LCE3C: variants seen among roughly 807,000 people sequenced by gnomAD.
The protein encoded by LCE3C is late cornified envelope protein 3C.
For synonymous variants in LCE3C, 29 were observed against 32.4 expected (o/e 0.89, Z 0.36); for missense variants, 53 against 83.3 (o/e 0.64, Z 1.42).
In LCE3C at chr1:152,600,988, G is replaced by A. The variant is rs148755167; in HGVS notation, c.257G>A (p.Arg86His). The A allele has an allele frequency of 2.7e-3, 2,606 of 948,580 alleles. 777 individuals carry two copies. The African/African-American group carries it at 0.04, about 15-fold the overall frequency. 58.8% of individuals were successfully genotyped at this position (948,580 alleles called of 1,614,324 possible). A position where few individuals can be genotyped will look rare whatever the true frequency, so the allele number is the denominator to read the frequency against. Reference sequence around the variant, plus strand: ...GGTCAGCAAGGCGGGGGCTCCTGCCGTGGCCATGGCTCTGGGGGCTGCTGC... The same window carrying A: ...GGTCAGCAAGGCGGGGGCTCCTGCCATGGCCATGGCTCTGGGGGCTGCTGC... ...GSGQQGGGSC[R>H]GHGSGGCC The change falls in exon 2 of 2, where the codon CGT becomes CAT. Residue 86 changes from arginine to histidine, a missense_variant. Transcript: ENST00000684028.
In LCE3C at chr1:152,601,082, G is replaced by C. The variant is rs909978378; in HGVS notation, c.*66G>C. 7 of 784,436 alleles carry C rather than the reference G, an allele frequency of 8.9e-6. 2 individuals carry two copies. The highest frequency in any genetic ancestry group is 1.3e-5 in the Non-Finnish European group (7 of 550,314). 48.6% of individuals were successfully genotyped at this position (784,436 alleles called of 1,614,324 possible). A position where few individuals can be genotyped will look rare whatever the true frequency, so the allele number is the denominator to read the frequency against. Reference sequence around the variant, plus strand: ...CAAGGATCCCAAAGGCCCAGGAAAAGCTCCATCCTGATGCATGCTTTTCCA... The same window carrying C: ...CAAGGATCCCAAAGGCCCAGGAAAACCTCCATCCTGATGCATGCTTTTCCA... On this transcript the variant is annotated 3_prime_UTR_variant, in exon 2 of 2. Coordinates refer to ENST00000684028, the MANE Select transcript of LCE3C (RefSeq NM_178434.3).
rs145667430 is a variant in LCE3C at position 152,600,795 on chromosome 1, C to A, written c.64C>A (p.Pro22Thr). 4.2e-6 allele frequency: 4 copies of A among 949,224 alleles called. 1 individual carries two copies. The African/African-American group carries it at 5.0e-5, about 12-fold the overall frequency. 58.8% of individuals were successfully genotyped at this position (949,224 alleles called of 1,614,324 possible). A position where few individuals can be genotyped will look rare whatever the true frequency, so the allele number is the denominator to read the frequency against. ...TCCCAGTTGTCCCTCACCCAAGTGT[C>A]CCCCAAAGAGCCCAGCACAGTGTCT... is the stretch of plus-strand genomic sequence containing the variant. The part of the protein sequence containing the change: ...PPPSCPSPKC[P>T]PKSPAQCLPP... Residue 22 changes from proline to threonine, a missense_variant, in exon 2 of 2, where the codon CCC becomes ACC. Transcript: ENST00000684028.
rs1259768662 is a variant in LCE3C at position 152,600,276 on chromosome 1, C to T, written c.-34C>T. 2.1e-5 allele frequency among the ~76,000 whole-genome samples: 2 copies of T among 93,308 alleles called. 1 individual carries two copies. Among genetic ancestry groups the T allele is most frequent in the Non-Finnish European group, 5.2e-5 (2 of 38,478 alleles). The allele number at this position is 93,308 out of a possible 152,430, so 61.2% of individuals were successfully genotyped here. ...GAGCAGCCTTCTTCTCCTACCTCCT[C>T]TGCATCTGGTGAGTGGCCAGCAGGG... On this transcript the variant is annotated 5_prime_UTR_variant, in exon 1 of 2. Transcript: ENST00000684028.
chr1:152,600,727 C>A lies in LCE3C; in HGVS notation c.-5C>A. 1 of 947,324 alleles carries A rather than the reference C, an allele frequency of 1.1e-6. No homozygotes were observed. The highest frequency in any genetic ancestry group is 1.5e-6 in the Non-Finnish European group (1 of 673,410). 58.7% of individuals were successfully genotyped at this position (947,324 alleles called of 1,614,324 possible). ...TCAAGGTAAAATTCCTGCATTCCTG[C>A]AAAGATGTCCTGCCAGCAAAACCAG... On this transcript the variant is annotated 5_prime_UTR_variant, in exon 2 of 2. Transcript: ENST00000684028.
At position 152,600,554 on chromosome 1, in the gene LCE3C, T is replaced by C; in HGVS notation, c.-25-153T>C. 2 of 391,450 alleles carry C rather than the reference T, an allele frequency of 5.1e-6. 1 individual carries two copies. The highest frequency in any genetic ancestry group is 8.0e-5 in the East Asian group (2 of 24,880). 24.2% of individuals were successfully genotyped at this position (391,450 alleles called of 1,614,324 possible). ...TTTAAGGTTGCTTTATCCAAATGCA[T>C]GTGTAGGGTTCCCTCTACTACATTC... On this transcript the variant is annotated intron_variant, in intron 1 of 1. Coordinates refer to ENST00000684028, the MANE Select transcript of LCE3C (RefSeq NM_178434.3).
chr1:152,600,975 G>A lies in LCE3C; in HGVS notation c.244G>A (p.Gly82Arg), dbSNP rs1022094910. 12 of 948,996 alleles carry A rather than the reference G, an allele frequency of 1.3e-5. 4 individuals carry two copies. Among genetic ancestry groups the A allele is most frequent in the African/African-American group, 8.3e-5 (5 of 60,074 alleles). The allele number at this position is 948,996 out of a possible 1,614,324, so 58.8% of individuals were successfully genotyped here. ...SCDRGSGQQG[G>R]GSCRGHGSGG... ...TGACAGGGGCAGTGGTCAGCAAGGC[G>A]GGGGCTCCTGCCGTGGCCATGGCTC... The change falls in exon 2 of 2, where the codon GGG becomes AGG. Residue 82 changes from glycine (G) to arginine (R), a missense_variant. Physicochemically the swap from Gly to Arg is moderately radical, Grantham distance 125. Coordinates refer to ENST00000684028, the MANE Select transcript of LCE3C (RefSeq NM_178434.3).
chr1:152,600,562 G>A lies in LCE3C; in HGVS notation c.-25-145G>A, dbSNP rs184898606. 39 of 399,016 alleles carry A rather than the reference G, an allele frequency of 9.8e-5. 14 individuals carry two copies. Among genetic ancestry groups the A allele is most frequent in the Non-Finnish European group, 1.8e-4 (39 of 215,356 alleles). The allele number at this position is 399,016 out of a possible 1,614,324, so 24.7% of individuals were successfully genotyped here. A position where few individuals can be genotyped will look rare whatever the true frequency, so the allele number is the denominator to read the frequency against. On this transcript the variant is annotated intron_variant, in intron 1 of 1. Coordinates refer to ENST00000684028, the MANE Select transcript of LCE3C (RefSeq NM_178434.3). ...TGCTTTATCCAAATGCATGTGTAGG[G>A]TTCCCTCTACTACATTCCCATTTCT...
rs780468942 is a variant in LCE3C at position 152,600,727 on chromosome 1, C to T, written c.-5C>T. The T allele has an allele frequency of 3.7e-5, 35 of 947,222 alleles. 14 individuals carry two copies. In the East Asian group the frequency reaches 1.2e-3, roughly 34 times the overall value. 58.7% of individuals were successfully genotyped at this position (947,222 alleles called of 1,614,324 possible). A position where few individuals can be genotyped will look rare whatever the true frequency, so the allele number is the denominator to read the frequency against. On this transcript the variant is annotated 5_prime_UTR_variant, in exon 2 of 2. Coordinates refer to ENST00000684028, the MANE Select transcript of LCE3C (RefSeq NM_178434.3). Reference sequence around the variant, plus strand: ...TCAAGGTAAAATTCCTGCATTCCTGCAAAGATGTCCTGCCAGCAAAACCAG... The same window carrying T: ...TCAAGGTAAAATTCCTGCATTCCTGTAAAGATGTCCTGCCAGCAAAACCAG...
In LCE3C at chr1:152,600,752, G is replaced by A; in HGVS notation, c.21G>A (p.Gln7=). 1 of 950,904 alleles carries A rather than the reference G, an allele frequency of 1.1e-6. No individual in the cohort carries two copies. The highest frequency in any genetic ancestry group is 1.9e-5 in the South Asian group (1 of 53,608). The allele number at this position is 950,904 out of a possible 1,614,324, so 58.9% of individuals were successfully genotyped here. ...CAAAGATGTCCTGCCAGCAAAACCA[G>A]CAGCAGTGCCAGCCCCCTCCCAGTT... MSCQQN[Q]QQCQPPPSCP... is the part of the protein sequence containing the mutation. Residue 7 remains glutamine, a synonymous_variant, in exon 2 of 2, where the codon CAG becomes CAA. Transcript: ENST00000684028.
chr1:152,600,843 G>T lies in LCE3C; in HGVS notation c.112G>T (p.Ala38Ser), dbSNP rs150965328. The T allele has an allele frequency of 1.3e-3, 1,198 of 950,036 alleles. 475 individuals are homozygous for T. The highest frequency in any genetic ancestry group is 7.1e-5 in the Non-Finnish European group (48 of 676,158). 58.9% of individuals were successfully genotyped at this position (950,036 alleles called of 1,614,324 possible). The part of the protein sequence containing the change: ...QCLPPPSSDC[A>S]LSSGGCGPSS... ...TCTGCCTCCACCCTCTTCTGACTGT[G>T]CTCTAAGCTCCGGGGGCTGTGGCCC... Residue 38 changes from alanine to serine, a missense_variant, in exon 2 of 2, where the codon GCT becomes TCT. Coordinates refer to ENST00000684028, the MANE Select transcript of LCE3C (RefSeq NM_178434.3).
Position 152,601,031 on chromosome 1 carries a change from A to G in LCE3C, c.*15A>G, listed in dbSNP as rs1204652678. The G allele has an allele frequency of 1.9e-5, 18 of 926,328 alleles. 9 individuals carry two copies. In the East Asian group the frequency reaches 5.7e-4, roughly 29 times the overall value. The allele number at this position is 926,328 out of a possible 1,614,324, so 57.4% of individuals were successfully genotyped here. A position where few individuals can be genotyped will look rare whatever the true frequency, so the allele number is the denominator to read the frequency against. On this transcript the variant is annotated 3_prime_UTR_variant, in exon 2 of 2. Coordinates refer to ENST00000684028, the MANE Select transcript of LCE3C (RefSeq NM_178434.3). ...GCTGCTGCTGACCTGGATCCTGATG[A>G]TGAGACAAGTGATCTTTGGAGGAAA...
In LCE3C at chr1:152,600,257, CCTT is replaced by C. The variant is rs1192797946; in HGVS notation, c.-47_-45del. On this transcript the variant is annotated 5_prime_UTR_variant, in exon 1 of 2. Coordinates refer to ENST00000684028, the MANE Select transcript of LCE3C (RefSeq NM_178434.3). ...TCATCCACAGCATCCTTAGGAGCAG[CCTT>C]CTTCTCCTACCTCCTCTGCATCTGG... Among the ~76,000 whole-genome samples the C allele has an allele frequency of 2.1e-5, 2 of 93,358 alleles. 1 individual carries two copies. Among genetic ancestry groups the C allele is most frequent in the Non-Finnish European group, 5.2e-5 (2 of 38,446 alleles). The allele number at this position is 93,358 out of a possible 152,430, so 61.2% of individuals were successfully genotyped here.
rs767561145 is a variant in LCE3C at position 152,600,989 on chromosome 1, T to G, written c.258T>G (p.Arg86=). The G allele has an allele frequency of 1.1e-6, 1 of 948,372 alleles. No individual in the cohort carries two copies. Among genetic ancestry groups the G allele is most frequent in the Non-Finnish European group, 1.5e-6 (1 of 675,260 alleles). The allele number at this position is 948,372 out of a possible 1,614,324, so 58.7% of individuals were successfully genotyped here. A position where few individuals can be genotyped will look rare whatever the true frequency, so the allele number is the denominator to read the frequency against. ...GTCAGCAAGGCGGGGGCTCCTGCCG[T>G]GGCCATGGCTCTGGGGGCTGCTGCT... ...GSGQQGGGSC[R]GHGSGGCC The change falls in exon 2 of 2, where the codon CGT becomes CGG. Residue 86 remains arginine (R), a synonymous_variant. Coordinates refer to ENST00000684028, the MANE Select transcript of LCE3C (RefSeq NM_178434.3).
In LCE3C at chr1:152,600,741, C is replaced by A; in HGVS notation, c.10C>A (p.Gln4Lys). MSCQQNQQQCQPPP... is the reference protein window; with the variant it reads MSCKQNQQQCQPPP... ...CTGCATTCCTGCAAAGATGTCCTGC[C>A]AGCAAAACCAGCAGCAGTGCCAGCC... The change falls in exon 2 of 2, where the codon CAG becomes AAG. Residue 4 changes from glutamine to lysine, a missense_variant. By Grantham distance (53) the Gln-to-Lys change is moderately conservative. Transcript: ENST00000684028. 1.1e-6 allele frequency: 1 copy of A among 950,136 alleles called. No homozygotes were observed. Among genetic ancestry groups the A allele is most frequent in the Non-Finnish European group, 1.5e-6 (1 of 675,956 alleles). The allele number at this position is 950,136 out of a possible 1,614,324, so 58.9% of individuals were successfully genotyped here. A position where few individuals can be genotyped will look rare whatever the true frequency, so the allele number is the denominator to read the frequency against.
In LCE3C at chr1:152,600,513, A is replaced by G. The variant is rs1474891766; in HGVS notation, c.-25-194A>G. On this transcript the variant is annotated intron_variant, in intron 1 of 1. Transcript: ENST00000684028. The stretch of plus-strand genomic sequence containing the variant: ...GGAGCATGTTGTCAGGAATGCACAT[A>G]GATCCATTTTATATTTTTAAGGTTG... The G allele has an allele frequency of 3.7e-5, 13 of 347,768 alleles. 5 individuals are homozygous for G. Among genetic ancestry groups the G allele is most frequent in the Non-Finnish European group, 5.3e-5 (10 of 189,130 alleles). The allele number at this position is 347,768 out of a possible 1,614,324, so 21.5% of individuals were successfully genotyped here.
rs572441314 is a variant in LCE3C, at chr1:152,600,455, G to A, written c.-26+171G>A. On this transcript the variant is annotated intron_variant, in intron 1 of 1. Transcript: ENST00000684028. ...CAGGGACCCGTGAGCTGCAAAACCC[G>A]CAGGACCTTAGGATTCCTTCACATT... Among the ~76,000 whole-genome samples, 11 of 93,844 alleles carry A rather than the reference G, an allele frequency of 1.2e-4. 1 individual carries two copies. Among genetic ancestry groups the A allele is most frequent in the Non-Finnish European group, 2.1e-4 (8 of 38,450 alleles). The allele number at this position is 93,844 out of a possible 152,430, so 61.6% of individuals were successfully genotyped here.
At position 152,600,921 on chromosome 1, in the gene LCE3C, C is replaced by T; in HGVS notation, c.190C>T (p.Gln64Ter). The T allele has an allele frequency of 5.3e-6, 5 of 949,526 alleles. 2 individuals carry two copies. Among genetic ancestry groups the T allele is most frequent in the Non-Finnish European group, 3.0e-6 (2 of 676,168 alleles). The allele number at this position is 949,526 out of a possible 1,614,324, so 58.8% of individuals were successfully genotyped here. ...CCACCACAGGCACTTCAGGTCCCATCAATGCCGGCGCCAGAGATCCAACTC... is the reference window on the plus strand; with the variant it reads ...CCACCACAGGCACTTCAGGTCCCATTAATGCCGGCGCCAGAGATCCAACTC... ...LSHHRHFRSHQCRRQRSNSCD... is the reference protein window; with the variant it reads ...LSHHRHFRSH Residue 64 changes from glutamine to a stop codon, truncating the protein, a stop_gained, in exon 2 of 2, where the codon CAA becomes TAA. Coordinates refer to ENST00000684028, the MANE Select transcript of LCE3C (RefSeq NM_178434.3). LOFTEE classifies it low-confidence loss of function (END_TRUNC).
chr1:152,600,847 T>A lies in LCE3C; in HGVS notation c.116T>A (p.Leu39Gln), dbSNP rs750788175. The A allele has an allele frequency of 6.9e-5, 66 of 950,026 alleles. 26 individuals are homozygous for A. The allele number at this position is 950,026 out of a possible 1,614,324, so 58.8% of individuals were successfully genotyped here. A position where few individuals can be genotyped will look rare whatever the true frequency, so the allele number is the denominator to read the frequency against. ...CCTCCACCCTCTTCTGACTGTGCTC[T>A]AAGCTCCGGGGGCTGTGGCCCCAGT... ...CLPPPSSDCA[L>Q]SSGGCGPSSE... Residue 39 changes from leucine (L) to glutamine (Q), a missense_variant, in exon 2 of 2, where the codon CTA becomes CAA. By Grantham distance (113) the Leu-to-Gln change is moderately radical. Coordinates refer to ENST00000684028, the MANE Select transcript of LCE3C (RefSeq NM_178434.3).
Position 152,601,061 on chromosome 1 carries a change from G to T in LCE3C, c.*45G>T. 1.2e-6 allele frequency: 1 copy of T among 865,964 alleles called. No individual in the cohort carries two copies. The highest frequency in any genetic ancestry group is 1.6e-6 in the Non-Finnish European group (1 of 618,494). 53.6% of individuals were successfully genotyped at this position (865,964 alleles called of 1,614,324 possible). A position where few individuals can be genotyped will look rare whatever the true frequency, so the allele number is the denominator to read the frequency against. On this transcript the variant is annotated 3_prime_UTR_variant, in exon 2 of 2. Coordinates refer to ENST00000684028, the MANE Select transcript of LCE3C (RefSeq NM_178434.3). Reference sequence around the variant, plus strand: ...ACAAGTGATCTTTGGAGGAAACAAGGATCCCAAAGGCCCAGGAAAAGCTCC... The same window carrying T: ...ACAAGTGATCTTTGGAGGAAACAAGTATCCCAAAGGCCCAGGAAAAGCTCC...
Sources: allele counts gnomAD v4.1 joint callset (sites outside exome capture counted in the v4.1 genomes callset), GRCh38; gene constraint gnomAD v4.1.1; transcripts MANE v1.5; gene names NCBI Gene and HGNC (gene_info 2026-07-23, HGNC 2026-07-21).